HLA-DQB1: variants seen among roughly 807,000 people sequenced by gnomAD.
The protein encoded by HLA-DQB1 is major histocompatibility complex, class II, DQ beta 1, also known as HLA class II histocompatibility antigen, DQ beta 1 chain.
In HLA-DQB1, 13 loss-of-function variants were observed where a neutral mutation model predicts 26.4. The observed-to-expected ratio is 0.49, with a 90% CI of 0.32 to 0.78. The LOEUF is 0.78. HLA-DQB1 is among the 30% of genes least tolerant of loss of function. The pLI is 0.03. For missense variants in HLA-DQB1, 158 were observed against 326.2 expected (o/e 0.48, Z 3.97); for synonymous variants, 60 against 129.1 (o/e 0.46, Z 3.63).
chr6:32,666,426 TC>T (rs66662713), intron 1 of HLA-DQB1, 72 bp downstream of exon 1: 133,526 of 519,326 alleles, frequency 0.26, 25,823 homozygotes, highest in Middle Eastern at 0.36. Flanking sequence ...GAGATCACCA[TC>T]CCCCATACCC....
At chr6:32,665,759 G>A (rs1417165647) in intron 1 of HLA-DQB1, among the ~76,000 whole-genome samples, 1 of 129,474 alleles carries the variant, frequency 7.7e-6, no homozygotes, top group Non-Finnish European at 1.7e-5. Context: ...GTATAATTGT[G>A]TAAAAGAAAA....
rs74186130 is a variant in HLA-DQB1, at chr6:32,665,082, C to T, written c.110-15G>A. 8.0e-7 allele frequency: 1 copy of T among 1,243,720 alleles called. No individual in the cohort carries two copies. Among genetic ancestry groups the T allele is most frequent in the Non-Finnish European group, 1.1e-6 (1 of 898,192 alleles). 77.0% of individuals were successfully genotyped at this position (1,243,720 alleles called of 1,614,324 possible). A position where few individuals can be genotyped will look rare whatever the true frequency, so the allele number is the denominator to read the frequency against. On this transcript the variant is annotated splice_polypyrimidine_tract_variant and intron_variant, in intron 1 of 4. Transcript: ENST00000434651. ...CACGAAATCCTCTGCGGGGAATCACCGGCCGGTCAGTCAGGCCCCAGCCCG... is the reference window on the plus strand; with the variant it reads ...CACGAAATCCTCTGCGGGGAATCACTGGCCGGTCAGTCAGGCCCCAGCCCG...
chr6:32,659,647 G>A (rs1782786634), exon 5 of HLA-DQB1: 1 of 151,774 alleles, frequency 6.6e-6, no homozygotes, highest in African/African-American at 2.4e-5. Context: ...AAGAGAGGCT[G>A]GGATATTCTA....
At position 32,660,266 on chromosome 6, in the gene HLA-DQB1, A is replaced by G. The variant is rs762916669; in HGVS notation, c.773-17T>C. 2.9e-6 allele frequency: 3 copies of G among 1,036,048 alleles called. 1 individual carries two copies. In the South Asian group the frequency reaches 4.6e-5, roughly 16 times the overall value. The allele number at this position is 1,036,048 out of a possible 1,614,324, so 64.2% of individuals were successfully genotyped here. On this transcript the variant is annotated splice_polypyrimidine_tract_variant and intron_variant, in intron 4 of 4. Coordinates refer to ENST00000434651, the Ensembl canonical transcript of HLA-DQB1. The stretch of plus-strand genomic sequence containing the variant: ...GCAGAAGCCCTGGAGAAGAGAGAAG[A>G]GCATTGATCAGCACAGGGTATCCTG...
In HLA-DQB1 at chr6:32,661,482, T is replaced by C. The variant is rs3828786; in HGVS notation, c.662-25A>G. 1.5e-3 allele frequency: 1,606 copies of C among 1,044,764 alleles called. 10 individuals are homozygous for C. The highest frequency in any genetic ancestry group is 7.5e-3 in the Admixed American group (235 of 31,398). 64.7% of individuals were successfully genotyped at this position (1,044,764 alleles called of 1,614,324 possible). ...CCTAAAGAGCAGAACTGAGTGTCTGTGTTTGTCCCCACACCCCATAGCATC... is the reference window on the plus strand; with the variant it reads ...CCTAAAGAGCAGAACTGAGTGTCTGCGTTTGTCCCCACACCCCATAGCATC... On this transcript the variant is annotated intron_variant, in intron 3 of 4. Transcript: ENST00000434651.
intron 2 of HLA-DQB1, chr6:32,662,816 CT>C (rs17843740): frequency 0.53 from 69,807 of 132,112 alleles, 21,312 homozygotes; most frequent in Middle Eastern, 0.69. Flanking sequence ...CTCTCATTTT[CT>C]TTTTTTCCTT....
exon 3 of HLA-DQB1, chr6:32,662,066 G>C: frequency 6.6e-7 from 1 of 1,518,278 alleles, no homozygotes; most frequent in Non-Finnish European, 9.0e-7. Flanking sequence ...ACCAGGATCT[G>C]GAAAGTCCAG....
intron 2 of HLA-DQB1, 200 bp from the exon 3 acceptor site, chr6:32,662,448 A>C (rs9274126): frequency 0.011 from 815 of 76,710 alleles, 110 homozygotes; most frequent in East Asian, 0.026. Context: ...TGGTCCCTGC[A>C]TTTATAGAAT....
At chr6:32,661,587 C>T (rs2151007393) in intron 3 of HLA-DQB1, 130 bp from the exon 4 acceptor site, 1 of 582,112 alleles carries the variant, frequency 1.7e-6, no homozygotes, top group Non-Finnish European at 2.7e-6. Context: ...TCAGACCACC[C>T]CTAAGGAGGG....
intron 4 of HLA-DQB1, chr6:32,660,962 G>GTGACTT: frequency 1.3e-6 from 1 of 765,760 alleles, no homozygotes; most frequent in Non-Finnish European, 2.1e-6. Context: ...TGACACACAT[G>GTGACTT]ACTTAGAGTT....
At chr6:32,660,030 A>G (rs1049122) in exon 5 of HLA-DQB1, 9,760 of 319,584 alleles carry the variant, frequency 0.031, 444 homozygotes, top group African/African-American at 0.061. Flanking sequence ...GCACAGGCAG[A>G]GGCTCTGGGT....
chr6:32,662,766 C>T (rs9274186), intron 2 of HLA-DQB1: 58,081 of 113,190 alleles, frequency 0.51, 15,493 homozygotes, highest in Middle Eastern at 0.65. Context: ...GAAACTATAG[C>T]AAATATTTAA....
intron 2 of HLA-DQB1, chr6:32,664,194 A>AT (rs68054106): frequency 0.39 from 37,227 of 95,678 alleles, 14,970 homozygotes; most frequent in Middle Eastern, 0.49. Flanking sequence ...GCATGCAATA[A>AT]TTAAACAGTC....
At chr6:32,661,883 A>C in intron 3 of HLA-DQB1, 84 bp downstream of exon 3, 1 of 1,037,466 alleles carries the variant, frequency 9.6e-7, no homozygotes, top group Non-Finnish European at 1.4e-6. Context: ...TAGTGACATC[A>C]GGGATAAGAG....
chr6:32,664,911 T>C (rs1071637), exon 2 of HLA-DQB1: 29,724 of 1,332,796 alleles, frequency 0.022, 3,844 homozygotes, highest in Middle Eastern at 0.067. Context: ...GTACTCGGCA[T>C]CAGGCCGCCC....
chr6:32,663,682 G>T (rs281863315), intron 2 of HLA-DQB1: 1 of 117,424 alleles, frequency 8.5e-6, no homozygotes, highest in East Asian at 2.2e-4. Flanking sequence ...TAACATAGAT[G>T]GTATTTGATA....
chr6:32,665,193 C>A (rs281861947), intron 1 of HLA-DQB1, 126 bp from the exon 2 acceptor site: 1 of 552,114 alleles, frequency 1.8e-6, no homozygotes, highest in Non-Finnish European at 2.9e-6. Context: ...CCGTGCCTGG[C>A]GCTCCAGACC....
At position 32,665,437 on chromosome 6, in the gene HLA-DQB1, T is replaced by TA. The variant is rs755717699; in HGVS notation, c.110-371dup. Among the ~76,000 whole-genome samples the TA allele has an allele frequency of 0.018, 2,426 of 137,768 alleles. 456 individuals are homozygous for TA. The East Asian group carries it at 0.18, about 10-fold the overall frequency. The allele number at this position is 137,768 out of a possible 152,430, so 90.4% of individuals were successfully genotyped here. Reference sequence around the variant, plus strand: ...CTCCTGGATACCTCAGAGATAAAGTTATCCACATAAATCTGAGAGTTCAAC... The same window carrying TA: ...CTCCTGGATACCTCAGAGATAAAGTTAATCCACATAAATCTGAGAGTTCAAC... On this transcript the variant is annotated intron_variant, in intron 1 of 4. Coordinates refer to ENST00000434651, the Ensembl canonical transcript of HLA-DQB1.
chr6:32,660,076 G>C, exon 5 of HLA-DQB1: 1 of 386,134 alleles, frequency 2.6e-6, no homozygotes, highest in Admixed American at 4.9e-5. Flanking sequence ...AGCGCCTTGG[G>C]GTGGGGATGA....
Sources: gnomAD v4.1 joint callset for allele counts (sites outside exome capture counted in the v4.1 genomes callset) on GRCh38, gnomAD v4.1.1 for gene constraint, MANE v1.5 for transcripts, NCBI Gene and HGNC (gene_info 2026-07-23, HGNC 2026-07-21) for gene names.